CDH13: variants seen among roughly 807,000 people sequenced by gnomAD.
CDH13 encodes cadherin 13.
Under a neutral mutation model 63.8 loss-of-function variants are expected in CDH13, and 24 were observed. The observed-to-expected ratio is 0.38, with a 90% CI of 0.27 to 0.53. The LOEUF (loss-of-function observed/expected upper bound fraction) is 0.53. CDH13 is among the 20% of genes least tolerant of loss of function. The pLI is 0.85. For synonymous variants in CDH13, 503 were observed against 355.3 expected (o/e 1.42, Z -4.67); for missense variants, 1,049 against 903.1 (o/e 1.16, Z -2.07).
At chr16:83,561,834 T>C (rs940288423) in intron 7 of CDH13, among the ~76,000 whole-genome samples, 1 of 152,234 alleles carries the variant, frequency 6.6e-6, no homozygotes, top group African/African-American at 2.4e-5. Context: ...ATCACTGTTT[T>C]GTAGTTCCTT....
intron 5 of CDH13, among the ~76,000 whole-genome samples, chr16:83,235,028 C>T (rs904505877): frequency 1.3e-5 from 2 of 152,112 alleles, no homozygotes; most frequent in African/African-American, 2.4e-5. Context: ...GATTCCATCT[C>T]TACAAAGTAA....
intron 1 of CDH13, among the ~76,000 whole-genome samples, chr16:82,684,959 A>T (rs768374482): frequency 5.4e-5 from 7 of 129,964 alleles, no homozygotes; most frequent in Non-Finnish European, 8.6e-5. Context: ...TCACCTATTT[A>T]ATGTGTAGTA....
chr16:83,665,423 A>G (rs1311047075), intron 8 of CDH13, among the ~76,000 whole-genome samples: 1 of 152,192 alleles, frequency 6.6e-6, no homozygotes, highest in Non-Finnish European at 1.5e-5. Context: ...TATTTATATC[A>G]GTCACAGTTG....
intron 7 of CDH13, among the ~76,000 whole-genome samples, chr16:83,555,988 G>A (rs1203476829): frequency 2.0e-5 from 3 of 152,144 alleles, no homozygotes; most frequent in Admixed American, 1.3e-4. Context: ...AAGTAACACT[G>A]GTACCCAGAG....
chr16:83,646,243 C>G (rs1911780853), intron 8 of CDH13, among the ~76,000 whole-genome samples: 1 of 152,194 alleles, frequency 6.6e-6, no homozygotes, highest in Non-Finnish European at 1.5e-5. Flanking sequence ...CCTCAGTTTC[C>G]TCACCTGTAA....
chr16:82,664,333 C>T (rs1035112766), intron 1 of CDH13, among the ~76,000 whole-genome samples: 10 of 152,236 alleles, frequency 6.6e-5, no homozygotes, highest in Admixed American at 2.0e-4. Context: ...CTCCAGGCTC[C>T]TGACAGTGAT....
chr16:83,477,035 G>T (rs986301281), intron 6 of CDH13, among the ~76,000 whole-genome samples: 1 of 152,142 alleles, frequency 6.6e-6, no homozygotes, highest in Non-Finnish European at 1.5e-5. Flanking sequence ...GAATCATGAT[G>T]GGGGACCCCA....
At chr16:83,406,138 G>A (rs892010373) in intron 6 of CDH13, among the ~76,000 whole-genome samples, 1 of 152,204 alleles carries the variant, frequency 6.6e-6, no homozygotes, top group Non-Finnish European at 1.5e-5. Context: ...ACAGGGGTCA[G>A]TGGATCAATG....
intron 1 of CDH13, among the ~76,000 whole-genome samples, chr16:82,636,751 C>A (rs574898420): frequency 6.6e-6 from 1 of 152,274 alleles, no homozygotes; most frequent in African/African-American, 2.4e-5. Flanking sequence ...ACACCCAAAC[C>A]AGAAAGCAAA....
intron 1 of CDH13, among the ~76,000 whole-genome samples, chr16:82,800,669 A>T (rs532954910): frequency 1.1e-4 from 17 of 152,184 alleles, no homozygotes; most frequent in Admixed American, 1.0e-3. Flanking sequence ...ATACATTTGC[A>T]TACTGCTTGT....
At chr16:83,096,632 G>C (rs1454039782) in intron 3 of CDH13, among the ~76,000 whole-genome samples, 2 of 152,192 alleles carry the variant, frequency 1.3e-5, no homozygotes, top group Non-Finnish European at 2.9e-5. Flanking sequence ...GCGCTTTCCA[G>C]TCGTGTGTCA....
chr16:83,319,181 A>G (rs1385724387), intron 5 of CDH13, among the ~76,000 whole-genome samples: 2 of 152,188 alleles, frequency 1.3e-5, no homozygotes, highest in Non-Finnish European at 2.9e-5. Context: ...ACTATAATTT[A>G]GAAAGATATT....
Position 83,680,341 on chromosome 16 carries a change from C to G in CDH13, c.1538+1880C>G, listed in dbSNP as rs114876306. On this transcript the variant is annotated intron_variant, in intron 10 of 13. Coordinates refer to ENST00000567109, the MANE Select transcript of CDH13 (RefSeq NM_001257.5). ...TAGTGATCAACCGGGATGATGTTCC[C>G]AGATACACAGCACAGAGGGCCGCTG... Among the ~76,000 whole-genome samples, 864 of 152,238 alleles carry G rather than the reference C, an allele frequency of 5.7e-3. 12 individuals are homozygous for G. Among genetic ancestry groups the G allele is most frequent in the African/African-American group, 0.02 (819 of 41,542 alleles).
In CDH13 at chr16:83,710,769, C is replaced by T. The variant is rs567740291; in HGVS notation, c.1538+32308C>T. Among the ~76,000 whole-genome samples, 3 of 152,316 alleles carry T rather than the reference C, an allele frequency of 2.0e-5. No individual in the cohort carries two copies. In the South Asian group the frequency reaches 6.2e-4, roughly 32 times the overall value. On this transcript the variant is annotated intron_variant, in intron 10 of 13. Transcript: ENST00000567109. ...GAAGCGCTTAGCACCGTGACTGCCA[C>T]CTCTAAGCACTCAATAAACAGGGCT...
At chr16:82,717,903 T>G (rs2032496683) in intron 1 of CDH13, among the ~76,000 whole-genome samples, 1 of 152,204 alleles carries the variant, frequency 6.6e-6, no homozygotes. Flanking sequence ...AAAATGCATG[T>G]GTCATCACAA....
rs114436807 is a variant in CDH13 at position 83,078,438 on chromosome 16, T to C, written c.366+46220T>C. On this transcript the variant is annotated intron_variant, in intron 3 of 13. Coordinates refer to ENST00000567109, the MANE Select transcript of CDH13 (RefSeq NM_001257.5). ...ACGTGCGACCTAGATCCCTCGCATG[T>C]GAGGATCACAATTGGGTTTGTAGGT... Among the ~76,000 whole-genome samples, 653 of 152,334 alleles carry C rather than the reference T, an allele frequency of 4.3e-3. 2 individuals carry two copies. The highest frequency in any genetic ancestry group is 0.015 in the African/African-American group (629 of 41,580).
At chr16:83,302,818 G>A (rs912993038) in intron 5 of CDH13, among the ~76,000 whole-genome samples, 15 of 152,210 alleles carry the variant, frequency 9.9e-5, no homozygotes, top group Non-Finnish European at 4.4e-5. Context: ...ACACAGTGAG[G>A]TTGCTTTAGC....
chr16:82,862,605 G>T (rs2039987383), intron 2 of CDH13, among the ~76,000 whole-genome samples: 1 of 151,806 alleles, frequency 6.6e-6, no homozygotes, highest in African/African-American at 2.4e-5. Context: ...ATTCCTCTTA[G>T]GCCACCCACA....
intron 1 of CDH13, among the ~76,000 whole-genome samples, chr16:82,848,076 AAG>A (rs1246007727): frequency 2.0e-5 from 3 of 152,320 alleles, no homozygotes; most frequent in East Asian, 1.9e-4. Flanking sequence ...TCAAAGAACA[AAG>A]AGAAAGTTGG....
Sources: gnomAD v4.1 joint callset for allele counts (sites outside exome capture counted in the v4.1 genomes callset) on GRCh38, gnomAD v4.1.1 for gene constraint, MANE v1.5 for transcripts, NCBI Gene and HGNC (gene_info 2026-07-23, HGNC 2026-07-21) for gene names.